The following GPC6 variants were observed in gnomAD, a reference collection of about 807,000 sequenced individuals.
GPC6 encodes the protein glypican-6.
A neutral mutation model predicts 55.2 loss-of-function variants in GPC6; 14 were observed. The ratio of observed to expected loss-of-function variants is 0.25; its 90% CI spans 0.17 to 0.40. The LOEUF (loss-of-function observed/expected upper bound fraction) is 0.40, where lower values mean the gene tolerates loss of function less well. Among genes scored for constraint, GPC6 ranks in the 10% least tolerant of loss-of-function variants. The pLI is 1.00. For synonymous variants in GPC6, 278 were observed against 259.6 expected (o/e 1.07, Z -0.68); for missense variants, 641 against 708.5 (o/e 0.90, Z 1.08).
At chr13:93,342,944 G>A (rs373067790) in intron 1 of GPC6, among the ~76,000 whole-genome samples, 9 of 152,106 alleles carry the variant, frequency 5.9e-5, no homozygotes, top group South Asian at 2.1e-4. Context: ...AATTTGTGCT[G>A]GGAATATTAA....
At chr13:94,063,179 C>T (rs767418810) in intron 4 of GPC6, among the ~76,000 whole-genome samples, 1 of 152,190 alleles carries the variant, frequency 6.6e-6, no homozygotes, top group Non-Finnish European at 1.5e-5. Context: ...AGTGAGACAT[C>T]TCTTCAAGAA....
intron 1 of GPC6, among the ~76,000 whole-genome samples, chr13:93,243,082 C>T (rs551732295): frequency 7.2e-5 from 11 of 152,302 alleles, no homozygotes; most frequent in Admixed American, 1.3e-4. Flanking sequence ...GTCCCCAGAT[C>T]GCAGCCCGCT....
At chr13:94,186,388 T>C (rs1266404537) in intron 4 of GPC6, among the ~76,000 whole-genome samples, 1 of 152,224 alleles carries the variant, frequency 6.6e-6, no homozygotes, top group Non-Finnish European at 1.5e-5. Context: ...TTTTCCTCCT[T>C]CTTTAAATTT....
At chr13:93,712,077 T>C (rs1883087305) in intron 2 of GPC6, among the ~76,000 whole-genome samples, 1 of 151,754 alleles carries the variant, frequency 6.6e-6, no homozygotes, top group Non-Finnish European at 1.5e-5. Flanking sequence ...GCAGCCTGTG[T>C]TCCAGGCTCT....
intron 1 of GPC6, among the ~76,000 whole-genome samples, chr13:93,514,661 A>G (rs1381215071): frequency 6.6e-6 from 1 of 152,162 alleles, no homozygotes; most frequent in African/African-American, 2.4e-5. Flanking sequence ...TAAGTTAGGT[A>G]TGGCTACATG....
intron 6 of GPC6, among the ~76,000 whole-genome samples, chr13:94,318,460 T>C (rs1429410081): frequency 6.6e-6 from 1 of 152,208 alleles, no homozygotes; most frequent in Non-Finnish European, 1.5e-5. Context: ...AGGACAGTTA[T>C]AACACACTGT....
Position 93,966,651 on chromosome 13 carries a change from A to ATTTT in GPC6, c.712-61062_712-61059dup, listed in dbSNP as rs59591951. Among the ~76,000 whole-genome samples, 1,021 of 118,764 alleles carry ATTTT rather than the reference A, an allele frequency of 8.6e-3. 42 individuals are homozygous for ATTTT. Among genetic ancestry groups the ATTTT allele is most frequent in the Non-Finnish European group, 0.011 (646 of 60,790 alleles). 77.9% of individuals were successfully genotyped at this position (118,764 alleles called of 152,430 possible). ...ACTATCAGTTTTGTTTGTTTCCTTC[A>ATTTT]TTTTTTTTTTTTTTTTTTTGAGATG... On this transcript the variant is annotated intron_variant, in intron 3 of 8. Coordinates refer to ENST00000377047, the MANE Select transcript of GPC6 (RefSeq NM_005708.5).
chr13:94,118,996 ATG>A (rs4001790), intron 4 of GPC6, among the ~76,000 whole-genome samples: 36,372 of 150,438 alleles, frequency 0.24, 4,486 homozygotes, highest in South Asian at 0.32. Context: ...TACATTATGT[ATG>A]TGTGTGTGTG....
chr13:93,307,090 AGTTTCT>A (rs1878885217), intron 1 of GPC6, among the ~76,000 whole-genome samples: 2 of 152,072 alleles, frequency 1.3e-5, no homozygotes, highest in Non-Finnish European at 2.9e-5. Flanking sequence ...GAGGTATCCT[AGTTTCT>A]ATTGGTAACC....
intron 2 of GPC6, among the ~76,000 whole-genome samples, chr13:93,568,886 C>G (rs1287538281): frequency 6.6e-6 from 1 of 152,060 alleles, no homozygotes; most frequent in Admixed American, 6.6e-5. Context: ...TGTTTCTTTG[C>G]CTTTTCATGT....
chr13:94,070,477 C>T (rs1420172843), intron 4 of GPC6, among the ~76,000 whole-genome samples: 2 of 152,060 alleles, frequency 1.3e-5, no homozygotes, highest in African/African-American at 4.8e-5. Context: ...AGATGGAGAA[C>T]ATGTTAATTA....
chr13:93,270,521 C>T (rs1877482701), intron 1 of GPC6, among the ~76,000 whole-genome samples: 1 of 151,900 alleles, frequency 6.6e-6, no homozygotes, highest in South Asian at 2.1e-4. Flanking sequence ...ATACCTGGAA[C>T]ATGTTTTCTC....
rs1169012550 is a variant in GPC6 at position 93,487,719 on chromosome 13, A to C, written c.161-57544A>C. On this transcript the variant is annotated intron_variant, in intron 1 of 8. Transcript: ENST00000377047. ...GTAGGATGACATTTAAAAACATGATATTTTTCTTTCTTCATTTTGTAGAAG... is the reference window on the plus strand; with the variant it reads ...GTAGGATGACATTTAAAAACATGATCTTTTTCTTTCTTCATTTTGTAGAAG... Among the ~76,000 whole-genome samples, 4 of 152,066 alleles carry C rather than the reference A, an allele frequency of 2.6e-5. No homozygotes were observed. The East Asian group carries it at 7.7e-4, about 29-fold the overall frequency.
chr13:93,998,312 A>G (rs1335756256), intron 3 of GPC6, among the ~76,000 whole-genome samples: 2 of 152,196 alleles, frequency 1.3e-5, no homozygotes, highest in Admixed American at 1.3e-4. Context: ...AGTTTATATA[A>G]TTTAATTTTT....
At chr13:94,126,003 A>G (rs1431826561) in intron 4 of GPC6, among the ~76,000 whole-genome samples, 1 of 152,158 alleles carries the variant, frequency 6.6e-6, no homozygotes, top group Non-Finnish European at 1.5e-5. Flanking sequence ...TTTTATGTGT[A>G]TGGAAAATTT....
intron 5 of GPC6, among the ~76,000 whole-genome samples, chr13:94,289,748 C>T (rs1174196113): frequency 6.6e-6 from 1 of 152,228 alleles, no homozygotes; most frequent in Non-Finnish European, 1.5e-5. Flanking sequence ...GTCTAGTTTA[C>T]TCACTGATAT....
chr13:93,438,954 T>C (rs2590507), intron 1 of GPC6, among the ~76,000 whole-genome samples: 47,593 of 151,920 alleles, frequency 0.31, 7,586 homozygotes, highest in East Asian at 0.36. Flanking sequence ...CCCTGATCCA[T>C]CAGCAGTCAT....
At chr13:94,164,379 T>C (rs894069639) in intron 4 of GPC6, among the ~76,000 whole-genome samples, 1 of 152,156 alleles carries the variant, frequency 6.6e-6, no homozygotes, top group Non-Finnish European at 1.5e-5. Flanking sequence ...ATGAGAAAAC[T>C]CAGGCCTCAA....
chr13:94,281,575 C>A (rs1892383811), intron 4 of GPC6, among the ~76,000 whole-genome samples: 1 of 152,144 alleles, frequency 6.6e-6, no homozygotes, highest in Non-Finnish European at 1.5e-5. Flanking sequence ...TATGTATAAT[C>A]ATATTGAGTC....
Sources: gnomAD v4.1 joint callset for allele counts (sites outside exome capture counted in the v4.1 genomes callset) on GRCh38, gnomAD v4.1.1 for gene constraint, MANE v1.5 for transcripts, NCBI Gene and HGNC (gene_info 2026-07-23, HGNC 2026-07-21) for gene names.